The following FUBP3 variants were observed in gnomAD, a reference collection of about 807,000 sequenced individuals.
The protein encoded by FUBP3 is far upstream element binding protein 3.
Under a neutral mutation model 85.6 loss-of-function variants are expected in FUBP3, and 28 were observed. That is an observed-to-expected ratio of 0.33 (90% CI 0.24 to 0.45). The LOEUF (loss-of-function observed/expected upper bound fraction) is 0.45, where lower values mean the gene tolerates loss of function less well. Ranked by LOEUF, FUBP3 falls within the 20% of genes least tolerant of loss-of-function variation. The pLI is 1.00. For synonymous variants in FUBP3, 271 were observed against 271.4 expected (o/e 1.00, Z 0.01); for missense variants, 583 against 755.1 (o/e 0.77, Z 2.67).
chr9:130,601,245 G>A (rs561737407), intron 2 of FUBP3, among the ~76,000 whole-genome samples: 44 of 152,238 alleles, frequency 2.9e-4, no homozygotes, highest in Non-Finnish European at 3.7e-4. Context: ...CAAGTCTCCC[G>A]TCTCATGGTT....
At chr9:130,618,671 A>G (rs538798840) in intron 8 of FUBP3, among the ~76,000 whole-genome samples, 9 of 152,324 alleles carry the variant, frequency 5.9e-5, no homozygotes, top group Admixed American at 2.0e-4. Flanking sequence ...TGCCACATTC[A>G]GAGTAGCTCC....
intron 11 of FUBP3, among the ~76,000 whole-genome samples, chr9:130,624,407 C>T (rs917466734): frequency 2.0e-5 from 3 of 152,158 alleles, no homozygotes; most frequent in Admixed American, 2.0e-4. Context: ...TGTAGGCCCC[C>T]ACCCCAGATC....
At chr9:130,614,771 AC>A (rs1254225962) in intron 6 of FUBP3, among the ~76,000 whole-genome samples, 1 of 152,126 alleles carries the variant, frequency 6.6e-6, no homozygotes, top group Non-Finnish European at 1.5e-5. Flanking sequence ...ATATTTGTGA[AC>A]CAAATGAATC....
intron 11 of FUBP3, among the ~76,000 whole-genome samples, chr9:130,625,936 G>C (rs1829953046): frequency 6.6e-6 from 1 of 152,168 alleles, no homozygotes; most frequent in African/African-American, 2.4e-5. Context: ...GTTGGGGAGG[G>C]TCAGCAGGCT....
intron 1 of FUBP3, among the ~76,000 whole-genome samples, chr9:130,592,969 A>G (rs927698939): frequency 2.0e-5 from 3 of 152,026 alleles, no homozygotes; most frequent in Non-Finnish European, 4.4e-5. Context: ...AGTGTGAACT[A>G]CCCACCTTTG....
chr9:130,579,730 A>G lies in FUBP3; in HGVS notation c.50A>G (p.Glu17Gly), dbSNP rs751432229. The change falls in exon 1 of 19, where the codon GAG becomes GGG. Residue 17 changes from glutamate (E) to glycine (G), a missense_variant. Glu to Gly is a moderately conservative substitution (Grantham distance 98). Around this residue, in one of 3 missense-constraint regions of FUBP3, gnomAD observed 177 missense variants for 221.9 expected, o/e 0.80. Coordinates refer to ENST00000319725, the MANE Select transcript of FUBP3 (RefSeq NM_003934.2). ...AGCGCTCCTGTGGGGATGAAGGCCG[A>G]GGGCTTCGTGGATGCCCTGCACCGG... ...GQSAPVGMKAEGFVDALHRVR... is the reference protein window; with the variant it reads ...GQSAPVGMKAGGFVDALHRVR... 12 of 1,279,938 alleles carry G rather than the reference A, an allele frequency of 9.4e-6. No individual in the cohort carries two copies. In the East Asian group the frequency reaches 3.5e-4, roughly 37 times the overall value. 79.3% of individuals were successfully genotyped at this position (1,279,938 alleles called of 1,614,324 possible).
intron 2 of FUBP3, among the ~76,000 whole-genome samples, chr9:130,601,890 C>T (rs1564199728): frequency 6.6e-6 from 1 of 150,380 alleles, no homozygotes; most frequent in Non-Finnish European, 1.5e-5. Flanking sequence ...CAACCTCTGC[C>T]TCCCAGGTTC....
At chr9:130,589,698 TATATATA>T (rs1476929231) in intron 1 of FUBP3, among the ~76,000 whole-genome samples, 25 of 32,320 alleles carry the variant, frequency 7.7e-4, no homozygotes, top group African/African-American at 3.3e-3. Context: ...TATATATATA[TATATATA>T]TTTTTTTTTT....
chr9:130,584,135 C>G (rs1027284339), intron 1 of FUBP3, among the ~76,000 whole-genome samples: 1 of 152,138 alleles, frequency 6.6e-6, no homozygotes, highest in African/African-American at 2.4e-5. Flanking sequence ...TTTACTTAGA[C>G]CACAGTTCTC....
At chr9:130,627,780 G>C (rs917286758) in intron 12 of FUBP3, among the ~76,000 whole-genome samples, 1 of 152,240 alleles carries the variant, frequency 6.6e-6, no homozygotes, top group African/African-American at 2.4e-5. Flanking sequence ...GCTAGATCTA[G>C]ATTTCTTGGC....
chr9:130,614,865 C>A (rs1022506420), intron 6 of FUBP3, among the ~76,000 whole-genome samples: 8 of 152,218 alleles, frequency 5.3e-5, no homozygotes, highest in South Asian at 2.1e-4. Context: ...TTGCAACAGT[C>A]TTAAGACTAA....
At chr9:130,614,640 C>T (rs942965781) in intron 6 of FUBP3, among the ~76,000 whole-genome samples, 1 of 152,224 alleles carries the variant, frequency 6.6e-6, no homozygotes, top group Non-Finnish European at 1.5e-5. Flanking sequence ...CAACTTACTT[C>T]TTCCTTGTTA....
intron 5 of FUBP3, 79 bp from the exon 6 acceptor site, chr9:130,614,209 C>G: frequency 1.2e-6 from 1 of 866,336 alleles, no homozygotes; most frequent in Admixed American, 1.8e-5. Context: ...AGGAAGCAGC[C>G]CTAGAGAGCC....
At chr9:130,628,102 GCGCACACACACA>G (rs1564223040) in intron 12 of FUBP3, among the ~76,000 whole-genome samples, 1 of 87,288 alleles carries the variant, frequency 1.1e-5, no homozygotes, top group African/African-American at 3.9e-5. Context: ...ACGCACGCAC[GCGCACACACACA>G]CACACACACA....
At chr9:130,631,239 G>A (rs1374267487) in intron 13 of FUBP3, 9 of 1,288,032 alleles carry the variant, frequency 7.0e-6, no homozygotes, top group Non-Finnish European at 8.8e-6. Context: ...CAATGGGGAC[G>A]TAGAATGGCA....
chr9:130,638,273 A>T lies in FUBP3; in HGVS notation c.*1251A>T, dbSNP rs1347726030. 6.6e-6 allele frequency: 1 copy of T among 152,638 alleles called. No individual in the cohort carries two copies. Among genetic ancestry groups the T allele is most frequent in the African/African-American group, 2.4e-5 (1 of 41,460 alleles). The allele number at this position is 152,638 out of a possible 1,614,324, so 9.5% of individuals were successfully genotyped here. A position where few individuals can be genotyped will look rare whatever the true frequency, so the allele number is the denominator to read the frequency against. On this transcript the variant is annotated 3_prime_UTR_variant, in exon 19 of 19. Coordinates refer to ENST00000319725, the MANE Select transcript of FUBP3 (RefSeq NM_003934.2). ...ATGCATGGGGTTTTTAAGAAAACAA[A>T]GTGTTCTTTTTATTTGACTGACAAT... is the stretch of plus-strand genomic sequence containing the variant.
rs76764659 is a variant in FUBP3 at position 130,637,466 on chromosome 9, G to A, written c.*444G>A. On this transcript the variant is annotated 3_prime_UTR_variant, in exon 19 of 19. Transcript: ENST00000319725. ...GCAGTATTTAAGTATTCTTAAATGT[G>A]TAAATTCATTTAATGTTTTACTTCT... The A allele has an allele frequency of 5.6e-3, 934 of 168,142 alleles. 13 individuals carry two copies. The highest frequency in any genetic ancestry group is 0.021 in the African/African-American group (880 of 41,782). 10.4% of individuals were successfully genotyped at this position (168,142 alleles called of 1,614,324 possible).
chr9:130,587,116 A>G (rs142331101), intron 1 of FUBP3, among the ~76,000 whole-genome samples: 2,386 of 149,020 alleles, frequency 0.016, 62 homozygotes, highest in African/African-American at 0.057. Context: ...CCAGGCTGGA[A>G]GGCAGTGGCA....
rs745743668 is a variant in FUBP3, at chr9:130,634,694, A to C, written c.1538A>C (p.Gln513Pro). Residue 513 changes from glutamine (Q) to proline (P), a missense_variant, in exon 17 of 19, where the codon CAG becomes CCG. Coordinates refer to ENST00000319725, the MANE Select transcript of FUBP3 (RefSeq NM_003934.2). ...PSQQSQPQSS[Q>P]PNYSKAWEDY... ...CAGCAGAGCCAGCCGCAGAGCAGCC[A>C]GCCCAACTACAGCAAGGCCTGGGAA... The C allele has an allele frequency of 5.6e-6, 9 of 1,614,018 alleles. No homozygotes were observed. The highest frequency in any genetic ancestry group is 7.6e-6 in the Non-Finnish European group (9 of 1,179,986).
Sources: gnomAD v4.1 joint callset for allele counts (sites outside exome capture counted in the v4.1 genomes callset) on GRCh38, gnomAD v4.1.1 for gene constraint, gnomAD v4.1.1 regional missense constraint, MANE v1.5 for transcripts, NCBI Gene and HGNC (gene_info 2026-07-23, HGNC 2026-07-21) for gene names.